The following COL4A2 variants were observed in gnomAD, a reference collection of about 807,000 sequenced individuals.
COL4A2 encodes collagen type IV alpha 2 chain, also known as collagen alpha-2(IV) chain.
COL4A2 carries 99 observed loss-of-function variants against 200.2 expected under a neutral mutation model. The observed-to-expected ratio is 0.49, with a 90% CI of 0.42 to 0.58. The LOEUF is 0.58. Among genes scored for constraint, COL4A2 ranks in the 20% least tolerant of loss-of-function variants. The pLI is 0.00. For synonymous variants in COL4A2, 897 were observed against 900.6 expected, an observed-to-expected ratio of 1.00 and a Z score of 0.07; for missense variants, 1,950 against 2,314.1, an observed-to-expected ratio of 0.84 and a Z score of 3.23.
At chr13:110,430,368 C>T in intron 8 of COL4A2, 33 bp from the exon 9 acceptor site, 1 of 1,603,950 alleles carries the variant, frequency 6.2e-7, no homozygotes, top group Non-Finnish European at 8.5e-7. Context: ...TGGTTAAAAG[C>T]TATCACTCTT....
rs374605815 is a variant in COL4A2 at position 110,384,992 on chromosome 13, C to T, written c.180+27440C>T. 1.9e-3 allele frequency among the ~76,000 whole-genome samples: 290 copies of T among 152,306 alleles called. 1 individual carries two copies. In the South Asian group the frequency reaches 0.023, roughly 12 times the overall value. On this transcript the variant is annotated intron_variant, in intron 4 of 47. Coordinates refer to ENST00000360467, the MANE Select transcript of COL4A2 (RefSeq NM_001846.4). ...AAAAAAGTTAAACAGAGGCCGGGCG[C>T]GGTGGCTCACGCCTGTAATCCTAGC...
At chr13:110,476,800 C>T (rs925632194) in intron 29 of COL4A2, among the ~76,000 whole-genome samples, 6 of 152,186 alleles carry the variant, frequency 3.9e-5, no homozygotes, top group Non-Finnish European at 8.8e-5. Flanking sequence ...AAAACAGATG[C>T]CCTTAGTGTC....
At chr13:110,321,177 CAT>C (rs758826964) in intron 3 of COL4A2, among the ~76,000 whole-genome samples, 11 of 111,964 alleles carry the variant, frequency 9.8e-5, no homozygotes, top group Non-Finnish European at 1.6e-4. Context: ...ATATAGTGTG[CAT>C]GTGTGTGTGT....
intron 3 of COL4A2, among the ~76,000 whole-genome samples, chr13:110,355,385 G>GT (rs765771097): frequency 4.3e-4 from 35 of 82,070 alleles, no homozygotes; most frequent in South Asian, 1.1e-3. Context: ...TCACCTGTGT[G>GT]GGGGGAGGGC....
At chr13:110,510,660 G>GTGT in intron 47 of COL4A2, among the ~76,000 whole-genome samples, 1 of 152,210 alleles carries the variant, frequency 6.6e-6, no homozygotes, top group Non-Finnish European at 1.5e-5. Flanking sequence ...GTGTGTGCAT[G>GTGT]AGTGTACACC....
intron 10 of COL4A2, among the ~76,000 whole-genome samples, chr13:110,431,812 CT>C (rs1880690724): frequency 6.6e-6 from 1 of 152,190 alleles, no homozygotes; most frequent in Non-Finnish European, 1.5e-5. Context: ...ATCTGAAATG[CT>C]TTAATCCTAA....
At chr13:110,491,150 C>A in intron 36 of COL4A2, 83 bp from the exon 37 acceptor site, 1 of 896,034 alleles carries the variant, frequency 1.1e-6, no homozygotes, top group Non-Finnish European at 1.8e-6. Context: ...CAGTGTGGTT[C>A]TGCACATCCT....
chr13:110,439,092 G>T (rs561119698), intron 15 of COL4A2, among the ~76,000 whole-genome samples: 1 of 152,318 alleles, frequency 6.6e-6, no homozygotes, highest in Non-Finnish European at 1.5e-5. Flanking sequence ...TAAGGGTCGG[G>T]AAGGGGTCAC....
chr13:110,446,343 G>A (rs761096891), intron 17 of COL4A2, among the ~76,000 whole-genome samples: 1 of 152,194 alleles, frequency 6.6e-6, no homozygotes, highest in Non-Finnish European at 1.5e-5. Context: ...GAGGACTTCT[G>A]AGCCGGGTGA....
At chr13:110,467,519 C>A (rs1338413651) in intron 27 of COL4A2, among the ~76,000 whole-genome samples, 1 of 152,248 alleles carries the variant, frequency 6.6e-6, no homozygotes, top group Admixed American at 6.5e-5. Context: ...ATAAACAAGG[C>A]TAGAGTGTTT....
At chr13:110,372,679 A>G (rs1264157408) in intron 4 of COL4A2, among the ~76,000 whole-genome samples, 1 of 152,250 alleles carries the variant, frequency 6.6e-6, no homozygotes, top group Non-Finnish European at 1.5e-5. Context: ...TGTAGATATC[A>G]TTCCATTGAT....
In COL4A2 at chr13:110,492,963, A is replaced by C. The variant is rs2274545; in HGVS notation, c.3563-248A>C. Among the ~76,000 whole-genome samples, 32,936 of 152,114 alleles carry C rather than the reference A, an allele frequency of 0.22. 4,252 individuals carry two copies. The highest frequency in any genetic ancestry group is 0.34 in the Middle Eastern group (100 of 294). On this transcript the variant is annotated intron_variant, in intron 38 of 47. Transcript: ENST00000360467. ...CAGGTGACAGTTTCAGAGCCAACAA[A>C]ACACATCTGAGTTATCTTGAGGGTT...
chr13:110,508,134 C>T lies in COL4A2; in HGVS notation c.4794C>T (p.Ile1598=), dbSNP rs1372057661. The T allele has an allele frequency of 4.3e-6, 7 of 1,614,254 alleles. No individual in the cohort carries two copies. The highest frequency in any genetic ancestry group is 2.2e-5 in the East Asian group (1 of 44,888). ...GTTCTGTGTGTGAGGCCCCGGCCAT[C>T]GCCATCGCGGTCCACAGTCAGGATG... ...SRCSVCEAPA[I]AIAVHSQDVS... is the part of the protein sequence containing the mutation. The change falls in exon 47 of 48, where the codon ATC becomes ATT. Residue 1598 remains isoleucine, a synonymous_variant. Coordinates refer to ENST00000360467, the MANE Select transcript of COL4A2 (RefSeq NM_001846.4). The surrounding 1 kb of genome is among the most constrained non-coding windows in gnomAD (Gnocchi z 6.1).
At chr13:110,343,574 G>A (rs543365990) in intron 3 of COL4A2, among the ~76,000 whole-genome samples, 3 of 152,292 alleles carry the variant, frequency 2.0e-5, no homozygotes, top group South Asian at 2.1e-4. Context: ...AGTGGCTGTC[G>A]CATGGGTGTG....
chr13:110,457,795 G>A (rs1881832978), intron 21 of COL4A2: 7 of 481,728 alleles, frequency 1.5e-5, no homozygotes, highest in South Asian at 1.1e-4. Flanking sequence ...CCAAGGCATT[G>A]TAACAGAGGT....
At chr13:110,412,107 G>T (rs893015415) in intron 4 of COL4A2, among the ~76,000 whole-genome samples, 8 of 152,210 alleles carry the variant, frequency 5.3e-5, no homozygotes, top group African/African-American at 1.9e-4. Flanking sequence ...TAACAGGTCC[G>T]CCAATACACA....
At chr13:110,474,711 A>C (rs60882258) in intron 29 of COL4A2, among the ~76,000 whole-genome samples, 3,692 of 135,836 alleles carry the variant, frequency 0.027, 813 homozygotes, top group African/African-American at 0.083. Context: ...GTGTACACTC[A>C]CATGATCACA....
At chr13:110,398,600 G>A (rs1271563366) in intron 4 of COL4A2, among the ~76,000 whole-genome samples, 1 of 152,178 alleles carries the variant, frequency 6.6e-6, no homozygotes, top group African/African-American at 2.4e-5. Context: ...GGCTGAAGCA[G>A]GAGAATCGCT....
intron 12 of COL4A2, 119 bp from the exon 13 acceptor site, chr13:110,436,150 A>G (rs1880861516): frequency 1.4e-6 from 2 of 1,430,024 alleles, no homozygotes; most frequent in African/African-American, 1.4e-5. Context: ...ATAGGTATAC[A>G]TATGGTAAGT....
Sources: gnomAD v4.1 joint callset for allele counts (sites outside exome capture counted in the v4.1 genomes callset) on GRCh38, gnomAD v4.1.1 for gene constraint, Gnocchi (gnomAD v3.1) non-coding constraint, MANE v1.5 for transcripts, NCBI Gene and HGNC (gene_info 2026-07-23, HGNC 2026-07-21) for gene names.